Variants in CCAR1 observed in about 807,000 individuals in gnomAD.
The protein encoded by CCAR1 is cell division cycle and apoptosis regulator 1.
Under a neutral mutation model 163.8 loss-of-function variants are expected in CCAR1, and 78 were observed. The ratio of observed to expected loss-of-function variants is 0.48; its 90% CI spans 0.40 to 0.57. CCAR1 has a LOEUF of 0.57. CCAR1 is among the 20% of genes least tolerant of loss of function. CCAR1 has a pLI of 0.00. For synonymous variants in CCAR1, 443 were observed against 460.7 expected, an observed-to-expected ratio of 0.96 and a Z score of 0.49; for missense variants, 1,019 against 1,365.2, an observed-to-expected ratio of 0.75 and a Z score of 4.00.
chr10:68,740,830 G>T (rs1209031764), intron 5 of CCAR1, among the ~76,000 whole-genome samples, 169 bp downstream of exon 5: 2 of 151,682 alleles, frequency 1.3e-5, no homozygotes, highest in African/African-American at 4.8e-5. Context: ...ATTTTTGATG[G>T]TTTCTCCTTG....
intron 24 of CCAR1, among the ~76,000 whole-genome samples, chr10:68,790,370 A>G (rs867475533): frequency 6.6e-6 from 1 of 151,664 alleles, no homozygotes; most frequent in African/African-American, 2.4e-5. Flanking sequence ...AAAAAAAAAA[A>G]GTGATTCCCA....
intron 15 of CCAR1, among the ~76,000 whole-genome samples, chr10:68,758,960 C>T (rs1589172451): frequency 6.6e-6 from 1 of 152,080 alleles, no homozygotes; most frequent in African/African-American, 2.4e-5. Context: ...ATGTGATCCT[C>T]CTCCCCTGGC....
Position 68,742,317 on chromosome 10 carries a change from T to C in CCAR1, c.325-59T>C, listed in dbSNP as rs2056193427. 15 of 1,385,208 alleles carry C rather than the reference T, an allele frequency of 1.1e-5. 1 individual carries two copies. The highest frequency in any genetic ancestry group is 5.7e-5 in the South Asian group (4 of 70,430). 85.8% of individuals were successfully genotyped at this position (1,385,208 alleles called of 1,614,324 possible). On this transcript the variant is annotated intron_variant, in intron 5 of 24. Coordinates refer to ENST00000265872, the MANE Select transcript of CCAR1 (RefSeq NM_018237.4). Reference sequence around the variant, plus strand: ...TCTGGGTTAGTTTTAAGTAGTCATATTCAGTTTTTAGATGATTTCAAATCA... The same window carrying C: ...TCTGGGTTAGTTTTAAGTAGTCATACTCAGTTTTTAGATGATTTCAAATCA...
At chr10:68,760,147 T>A (rs2056450369) in intron 15 of CCAR1, among the ~76,000 whole-genome samples, 1 of 152,146 alleles carries the variant, frequency 6.6e-6, no homozygotes, top group Non-Finnish European at 1.5e-5. Context: ...TACTCCTCTG[T>A]TGGACATTTG....
chr10:68,784,915 C>CT (rs754185332), intron 19 of CCAR1, among the ~76,000 whole-genome samples: 1,565 of 124,734 alleles, frequency 0.013, 47 homozygotes, highest in African/African-American at 0.036. Context: ...GTGAACATAA[C>CT]TTTTTTTTTT....
chr10:68,753,806 C>T, intron 10 of CCAR1, 46 bp from the exon 11 acceptor site: 1 of 1,364,606 alleles, frequency 7.3e-7, no homozygotes, highest in Non-Finnish European at 1.0e-6. Flanking sequence ...TTTGTGTAAC[C>T]TTTTTTATTA....
chr10:68,774,949 C>A, intron 19 of CCAR1: 5 of 377,972 alleles, frequency 1.3e-5, no homozygotes, highest in South Asian at 7.7e-5. Context: ...TTTTTTTTTA[C>A]AGTTTGTGTC....
At chr10:68,760,602 C>T (rs1450344220) in intron 15 of CCAR1, among the ~76,000 whole-genome samples, 4 of 152,184 alleles carry the variant, frequency 2.6e-5, no homozygotes, top group Admixed American at 6.5e-5. Context: ...GGCGTGGTGG[C>T]TCACGCCTGT....
Position 68,749,547 on chromosome 10 carries a change from G to A in CCAR1, c.980G>A (p.Arg327His), listed in dbSNP as rs748256307. 19 of 1,613,412 alleles carry A rather than the reference G, an allele frequency of 1.2e-5. No homozygotes were observed. In the East Asian group the frequency reaches 1.6e-4, roughly 13 times the overall value. The change falls in exon 10 of 25, where the codon CGT becomes CAT. Residue 327 changes from arginine (R) to histidine (H), a missense_variant. By Grantham distance (29) the Arg-to-His change is conservative. Around this residue, in one of 4 missense-constraint regions of CCAR1, gnomAD observed 644 missense variants for 904.4 expected, o/e 0.71. Transcript: ENST00000265872. The stretch of plus-strand genomic sequence containing the variant: ...AGTCGTGAGAGAGAGAGAGAAAGAC[G>A]TAGATCGAGAGAAAGATCACCTCAG... ...DRSRERERER[R>H]RSRERSPQRK...
At chr10:68,777,389 C>A (rs2056679649) in intron 19 of CCAR1, among the ~76,000 whole-genome samples, 1 of 152,054 alleles carries the variant, frequency 6.6e-6, no homozygotes, top group African/African-American at 2.4e-5. Flanking sequence ...ATAGAAGAAG[C>A]CACTGTTCAG....
At chr10:68,775,037 T>C (rs902733640) in intron 19 of CCAR1, 8 of 330,106 alleles carry the variant, frequency 2.4e-5, no homozygotes, top group Non-Finnish European at 4.6e-5. Context: ...GTTTTTAATA[T>C]TGTTTAATGA....
At chr10:68,778,309 A>G (rs2056693051) in intron 19 of CCAR1, among the ~76,000 whole-genome samples, 1 of 152,200 alleles carries the variant, frequency 6.6e-6, no homozygotes, top group South Asian at 2.1e-4. Context: ...CCTCTTCTTG[A>G]GAAGAGTGGA....
chr10:68,758,480 A>G (rs1463062753), intron 15 of CCAR1, among the ~76,000 whole-genome samples: 3 of 149,134 alleles, frequency 2.0e-5, no homozygotes, highest in East Asian at 4.0e-4. Flanking sequence ...GCTTGAGTCC[A>G]GGAGTTTGAG....
chr10:68,763,433 A>G (rs559177236), intron 16 of CCAR1, among the ~76,000 whole-genome samples: 181 of 148,654 alleles, frequency 1.2e-3, no homozygotes, highest in Non-Finnish European at 2.4e-3. Context: ...ACAGGCTGGT[A>G]TTACATTGCG....
intron 2 of CCAR1, among the ~76,000 whole-genome samples, chr10:68,725,406 TAAATAA>T (rs1453303915): frequency 6.9e-6 from 1 of 145,592 alleles, no homozygotes; most frequent in East Asian, 2.0e-4. Flanking sequence ...TCAAAAAAAA[TAAATAA>T]AAATAAAGTC....
At chr10:68,743,636 G>C (rs1043780514) in intron 6 of CCAR1, among the ~76,000 whole-genome samples, 1 of 151,068 alleles carries the variant, frequency 6.6e-6, no homozygotes, top group Admixed American at 6.6e-5. Flanking sequence ...TCCACCTCCC[G>C]GGTTTAAGTG....
Position 68,754,011 on chromosome 10 carries a change from A to T in CCAR1, c.1278A>T (p.Val426=). The T allele has an allele frequency of 6.2e-7, 1 of 1,614,046 alleles. No homozygotes were observed. Among genetic ancestry groups the T allele is most frequent in the Non-Finnish European group, 8.5e-7 (1 of 1,179,918 alleles). Residue 426 remains valine (V), a synonymous_variant, in exon 11 of 25, where the codon GTA becomes GTT. Coordinates refer to ENST00000265872, the MANE Select transcript of CCAR1 (RefSeq NM_018237.4). ...YCNFYVMHRE[V]ESLEKNMAIL... is the part of the protein sequence containing the mutation. ...ATTTTTATGTAATGCACAGAGAAGT[A>T]GAGTCCTTAGAAAAAAATATGGCCA...
intron 16 of CCAR1, among the ~76,000 whole-genome samples, chr10:68,765,198 G>A (rs149393247): frequency 4.9e-4 from 74 of 152,214 alleles, no homozygotes; most frequent in African/African-American, 1.6e-3. Context: ...TTTCTCCTCA[G>A]TATAGGGCCC....
At chr10:68,772,573 G>T (rs947933967) in intron 18 of CCAR1, among the ~76,000 whole-genome samples, 1 of 151,768 alleles carries the variant, frequency 6.6e-6, no homozygotes, top group African/African-American at 2.4e-5. Flanking sequence ...GTAATTTAAT[G>T]TGTGGTGGGA....
Sources: gnomAD v4.1 joint callset for allele counts (sites outside exome capture counted in the v4.1 genomes callset) on GRCh38, gnomAD v4.1.1 for gene constraint, gnomAD v4.1.1 regional missense constraint, MANE v1.5 for transcripts, NCBI Gene and HGNC (gene_info 2026-07-23, HGNC 2026-07-21) for gene names.